SLC24A2: variants seen among roughly 807,000 people sequenced by gnomAD.
The protein encoded by SLC24A2 is solute carrier family 24 member 2.
A neutral mutation model predicts 62.0 loss-of-function variants in SLC24A2; 36 were observed. The observed-to-expected ratio is 0.58, with a 90% CI of 0.44 to 0.77. The LOEUF is 0.77. Ranked by LOEUF, SLC24A2 falls within the 30% of genes least tolerant of loss-of-function variation. The probability of loss-of-function intolerance (pLI) is 0.00; values close to 1 mark genes in which losing one functional copy is unlikely to be tolerated. For missense variants in SLC24A2, 846 were observed against 817.9 expected (o/e 1.03, Z -0.42); for synonymous variants, 358 against 294.0 (o/e 1.22, Z -2.23).
At chr9:19,870,383 G>T in the SLC24A2 span, among the ~76,000 whole-genome samples, 5 of 152,068 alleles carry the variant, frequency 3.3e-5, no homozygotes, top group Non-Finnish European at 7.4e-5. Context: ...ACAATATTCT[G>T]TTGTACAGAT....
the SLC24A2 span, among the ~76,000 whole-genome samples, chr9:19,871,681 T>C: frequency 3.3e-5 from 5 of 152,332 alleles, 1 homozygote; most frequent in African/African-American, 9.6e-5. Context: ...AAACTATGTG[T>C]AGAAGATGTT....
At chr9:19,798,010 C>T in the SLC24A2 span, among the ~76,000 whole-genome samples, 2 of 152,142 alleles carry the variant, frequency 1.3e-5, no homozygotes, top group South Asian at 2.1e-4. Flanking sequence ...TATTATCTTA[C>T]AGTTCTTTAG....
At chr9:20,240,632 T>C in the SLC24A2 span, among the ~76,000 whole-genome samples, 1 of 152,142 alleles carries the variant, frequency 6.6e-6, no homozygotes, top group Non-Finnish European at 1.5e-5. Context: ...TCAGGTTCCT[T>C]TCTTTCACAG....
chr9:20,290,437 C>T, the SLC24A2 span, among the ~76,000 whole-genome samples: 2 of 152,276 alleles, frequency 1.3e-5, no homozygotes, highest in African/African-American at 4.8e-5. Context: ...TCCCTTGCCC[C>T]TCTTCAGGCC....
intron 2 of SLC24A2, among the ~76,000 whole-genome samples, chr9:19,781,871 T>A (rs974626499): frequency 2.0e-5 from 3 of 152,230 alleles, no homozygotes; most frequent in African/African-American, 7.2e-5. Flanking sequence ...TATTTATGGT[T>A]TAGTACTTTA....
chr9:19,949,532 G>GA, the SLC24A2 span, among the ~76,000 whole-genome samples: 12 of 151,958 alleles, frequency 7.9e-5, no homozygotes, highest in South Asian at 2.1e-4. Flanking sequence ...TCTTCCATTT[G>GA]AAAAAAAATC....
the SLC24A2 span, among the ~76,000 whole-genome samples, chr9:19,829,689 C>T: frequency 6.6e-5 from 10 of 150,738 alleles, no homozygotes; most frequent in Non-Finnish European, 1.5e-4. Context: ...TATGTTTGTA[C>T]CACTGTTCCA....
chr9:20,063,326 G>T, the SLC24A2 span, among the ~76,000 whole-genome samples: 1 of 151,034 alleles, frequency 6.6e-6, no homozygotes, highest in African/African-American at 2.4e-5. Context: ...AAAATGATGA[G>T]TTCATGTCCT....
At chr9:20,031,651 A>C in the SLC24A2 span, among the ~76,000 whole-genome samples, 10 of 152,078 alleles carry the variant, frequency 6.6e-5, no homozygotes, top group Non-Finnish European at 1.2e-4. Flanking sequence ...ATGAGCTGTA[A>C]AAGGTGTCAC....
intron 2 of SLC24A2, among the ~76,000 whole-genome samples, chr9:19,651,045 A>G (rs1818787394): frequency 6.6e-6 from 1 of 152,142 alleles, no homozygotes; most frequent in African/African-American, 2.4e-5. Flanking sequence ...AAATTTGAAA[A>G]CTGGAAAATT....
At chr9:19,941,590 T>TGTGTGTGAGAGAGAGA in the SLC24A2 span, among the ~76,000 whole-genome samples, 29 of 127,976 alleles carry the variant, frequency 2.3e-4, no homozygotes, top group African/African-American at 7.9e-4. Flanking sequence ...TGTGTGTGTG[T>TGTGTGTGAGAGAGAGA]GAGAGAGAGA....
chr9:19,663,593 G>A (rs896933027), intron 2 of SLC24A2, among the ~76,000 whole-genome samples: 2 of 152,128 alleles, frequency 1.3e-5, no homozygotes, highest in Non-Finnish European at 2.9e-5. Context: ...CGTCCTGCAG[G>A]GGGTCAGGCT....
the SLC24A2 span, among the ~76,000 whole-genome samples, chr9:19,993,713 T>A: frequency 6.6e-6 from 1 of 152,172 alleles, no homozygotes; most frequent in Non-Finnish European, 1.5e-5. Flanking sequence ...GTGCAGGAGA[T>A]AATTGAGCAT....
chr9:19,765,508 T>C (rs1822486766), intron 2 of SLC24A2, among the ~76,000 whole-genome samples: 1 of 152,220 alleles, frequency 6.6e-6, no homozygotes, highest in Non-Finnish European at 1.5e-5. Context: ...ACAAAATCCC[T>C]CAGCGTTTGC....
At chr9:20,072,567 C>T in the SLC24A2 span, among the ~76,000 whole-genome samples, 6 of 151,646 alleles carry the variant, frequency 4.0e-5, no homozygotes, top group East Asian at 1.2e-3. Flanking sequence ...CATAATATCA[C>T]ATATCAAAAG....
the SLC24A2 span, among the ~76,000 whole-genome samples, chr9:20,142,532 C>T: frequency 6.6e-6 from 1 of 150,962 alleles, no homozygotes; most frequent in Admixed American, 6.6e-5. Flanking sequence ...TTCTACGACA[C>T]AACTATTTTC....
the SLC24A2 span, among the ~76,000 whole-genome samples, chr9:19,820,009 G>GTATATATA: frequency 9.2e-6 from 1 of 109,052 alleles, no homozygotes; most frequent in African/African-American, 4.1e-5. Flanking sequence ...ATATATATGT[G>GTATATATA]TATATATATA....
the SLC24A2 span, among the ~76,000 whole-genome samples, chr9:20,062,585 G>A: frequency 7.0e-6 from 1 of 143,144 alleles, no homozygotes; most frequent in South Asian, 2.4e-4. Context: ...GCATGGGCAA[G>A]GACTTCTTGT....
At chr9:19,652,007 C>T (rs547431365) in intron 2 of SLC24A2, among the ~76,000 whole-genome samples, 2 of 152,244 alleles carry the variant, frequency 1.3e-5, no homozygotes, top group South Asian at 2.1e-4. Flanking sequence ...GTAAATTGCT[C>T]GATTACAGGA....
Sources: gnomAD v4.1 joint callset for allele counts (sites outside exome capture counted in the v4.1 genomes callset) on GRCh38, gnomAD v4.1.1 for gene constraint, MANE v1.5 for transcripts, NCBI Gene and HGNC (gene_info 2026-07-23, HGNC 2026-07-21) for gene names.